The following PPP3CA variants were observed in gnomAD, a reference collection of about 807,000 sequenced individuals.
PPP3CA encodes the protein protein phosphatase 3 catalytic subunit alpha.
PPP3CA carries 14 observed loss-of-function variants against 66.5 expected under a neutral mutation model. That is an observed-to-expected ratio of 0.21 (90% CI 0.14 to 0.33). PPP3CA has a LOEUF of 0.33. PPP3CA is among the 10% of genes least tolerant of loss of function. The pLI, the probability that PPP3CA is intolerant of heterozygous loss-of-function variation, is 1.00. For synonymous variants in PPP3CA, 232 were observed against 226.2 expected, an observed-to-expected ratio of 1.03 and a Z score of -0.23; for missense variants, 317 against 639.5, an observed-to-expected ratio of 0.50 and a Z score of 5.44.
chr4:101,319,115 T>C (rs1365934024), intron 1 of PPP3CA, among the ~76,000 whole-genome samples: 1 of 151,180 alleles, frequency 6.6e-6, no homozygotes, highest in East Asian at 1.9e-4. Context: ...ACTTAGAAAA[T>C]TTATTAAAAT....
intron 10 of PPP3CA, among the ~76,000 whole-genome samples, chr4:101,045,405 T>C (rs1349114505): frequency 3.3e-5 from 5 of 152,192 alleles, no homozygotes; most frequent in Non-Finnish European, 5.9e-5. Context: ...ATTTATACCA[T>C]GAAAATCTGC....
intron 10 of PPP3CA, among the ~76,000 whole-genome samples, chr4:101,056,466 T>C (rs1010913928): frequency 2.3e-4 from 35 of 152,058 alleles, no homozygotes; most frequent in African/African-American, 8.0e-4. Context: ...CATCTCTAAA[T>C]TGCTATAGGC....
At chr4:101,298,841 CTGTGTGTGTGTGTGTGTGTGTGTGTG>C (rs57507050) in intron 1 of PPP3CA, among the ~76,000 whole-genome samples, 8 of 140,068 alleles carry the variant, frequency 5.7e-5, no homozygotes, top group South Asian at 2.3e-4. Context: ...CAAGGGTCTA[CTGTGTGTGTGTGTGTGTGTGTGTGTG>C]TGTGTGTGTG....
At position 101,244,951 on chromosome 4, in the gene PPP3CA, T is replaced by C. The variant is rs564233634; in HGVS notation, c.59-48835A>G. Among the ~76,000 whole-genome samples the C allele has an allele frequency of 8.2e-5, 12 of 146,404 alleles. No individual in the cohort carries two copies. The East Asian group carries it at 2.8e-3, about 34-fold the overall frequency. On this transcript the variant is annotated intron_variant, in intron 1 of 13. Coordinates refer to ENST00000394854, the MANE Select transcript of PPP3CA (RefSeq NM_000944.5). Reference sequence around the variant, plus strand: ...AAGCTATTTCATAATTTCATGTGCGTCACTGACAAAAAAGAAAAGAAAAAT... The same window carrying C: ...AAGCTATTTCATAATTTCATGTGCGCCACTGACAAAAAAGAAAAGAAAAAT...
intron 1 of PPP3CA, among the ~76,000 whole-genome samples, chr4:101,324,826 C>T (rs747813558): frequency 1.3e-5 from 2 of 152,176 alleles, no homozygotes; most frequent in African/African-American, 2.4e-5. Context: ...ATTACCGACA[C>T]AAGACTAAGT....
chr4:101,216,858 T>C (rs1725473608), intron 1 of PPP3CA, among the ~76,000 whole-genome samples: 1 of 152,114 alleles, frequency 6.6e-6, no homozygotes, highest in Admixed American at 6.6e-5. Flanking sequence ...GCCAGCCCCA[T>C]AACCTACTTC....
chr4:101,167,284 C>T (rs1578514187), intron 2 of PPP3CA, among the ~76,000 whole-genome samples: 1 of 152,126 alleles, frequency 6.6e-6, no homozygotes, highest in African/African-American at 2.4e-5. Flanking sequence ...CTTCTGGATG[C>T]ATACTGAGAT....
At chr4:101,115,439 T>TAGA (rs1721811106) in intron 2 of PPP3CA, among the ~76,000 whole-genome samples, 1 of 151,968 alleles carries the variant, frequency 6.6e-6, no homozygotes, top group Non-Finnish European at 1.5e-5. Flanking sequence ...GAACCAATCT[T>TAGA]GTTTTATGTA....
intron 12 of PPP3CA, among the ~76,000 whole-genome samples, 156 bp from the exon 13 acceptor site, chr4:101,029,351 A>C (rs1726823148): frequency 7.4e-6 from 1 of 135,764 alleles, no homozygotes; most frequent in African/African-American, 2.7e-5. Flanking sequence ...AAATGCTAAA[A>C]AAAAAAAAAA....
intron 11 of PPP3CA, among the ~76,000 whole-genome samples, chr4:101,038,365 T>A (rs1229610994): frequency 2.7e-5 from 4 of 149,352 alleles, no homozygotes; most frequent in Non-Finnish European, 5.9e-5. Context: ...TAGCACACAC[T>A]TTTTTTTTCT....
intron 2 of PPP3CA, among the ~76,000 whole-genome samples, chr4:101,136,903 G>A (rs1722641183): frequency 6.6e-6 from 1 of 151,988 alleles, no homozygotes. Context: ...AACATACGTG[G>A]TTCCAACAAT....
chr4:101,343,709 C>A (rs1729891639), intron 1 of PPP3CA, among the ~76,000 whole-genome samples: 1 of 152,138 alleles, frequency 6.6e-6, no homozygotes, highest in African/African-American at 2.4e-5. Context: ...CCACTGCCAT[C>A]ATTCTCTTTC....
rs575351237 is a variant in PPP3CA, at chr4:101,212,515, G to A, written c.59-16399C>T. The stretch of plus-strand genomic sequence containing the variant: ...AGGTAGAATAGCTAATGGACCCTGG[G>A]CTTAATACCTAGGTGATGGGATGAT... On this transcript the variant is annotated intron_variant, in intron 1 of 13. Coordinates refer to ENST00000394854, the MANE Select transcript of PPP3CA (RefSeq NM_000944.5). Among the ~76,000 whole-genome samples, 3 of 152,172 alleles carry A rather than the reference G, an allele frequency of 2.0e-5. No homozygotes were observed. The South Asian group carries it at 6.2e-4, about 32-fold the overall frequency.
intron 2 of PPP3CA, among the ~76,000 whole-genome samples, chr4:101,155,501 C>T (rs954145365): frequency 6.6e-6 from 1 of 152,190 alleles, no homozygotes; most frequent in African/African-American, 2.4e-5. Context: ...CAGAGGCAAG[C>T]ACTCCAAGAT....
At chr4:101,344,019 T>G (rs1729902966) in intron 1 of PPP3CA, among the ~76,000 whole-genome samples, 1 of 152,134 alleles carries the variant, frequency 6.6e-6, no homozygotes, top group East Asian at 1.9e-4. Context: ...GTATATATAG[T>G]AAATAATACT....
chr4:101,273,595 G>A (rs953265510), intron 1 of PPP3CA, among the ~76,000 whole-genome samples: 3 of 152,208 alleles, frequency 2.0e-5, no homozygotes, highest in Non-Finnish European at 2.9e-5. Flanking sequence ...AAAGTGCTGG[G>A]ATTAGAGGCG....
intron 1 of PPP3CA, among the ~76,000 whole-genome samples, chr4:101,224,640 C>G (rs542044830): frequency 6.6e-6 from 1 of 151,860 alleles, no homozygotes; most frequent in South Asian, 2.1e-4. Flanking sequence ...TTTGAAAAAC[C>G]TGCCGTAGCT....
Position 101,170,848 on chromosome 4 carries a change from T to C in PPP3CA, c.259+25068A>G, listed in dbSNP as rs557620955. Among the ~76,000 whole-genome samples the C allele has an allele frequency of 1.4e-3, 212 of 152,300 alleles. 1 individual carries two copies. The highest frequency in any genetic ancestry group is 5.0e-3 in the African/African-American group (206 of 41,570). ...ATTTAAACTCTTATTTATTGAGCAC[T>C]CTTATTTACTGATACATTTACCAAT... On this transcript the variant is annotated intron_variant, in intron 2 of 13. Transcript: ENST00000394854.
At chr4:101,265,483 G>A (rs535340942) in intron 1 of PPP3CA, among the ~76,000 whole-genome samples, 1 of 152,230 alleles carries the variant, frequency 6.6e-6, no homozygotes, top group South Asian at 2.1e-4. Flanking sequence ...AGAATAGAAA[G>A]ATTATCACAA....
Sources: allele counts gnomAD v4.1 joint callset (sites outside exome capture counted in the v4.1 genomes callset), GRCh38; gene constraint gnomAD v4.1.1; transcripts MANE v1.5; gene names NCBI Gene and HGNC (gene_info 2026-07-23, HGNC 2026-07-21).